COL5A1: variants seen among roughly 807,000 people sequenced by gnomAD.
The protein encoded by COL5A1 is collagen type V alpha 1 chain, also known as collagen alpha-1(V) chain.
A neutral mutation model predicts 263.7 loss-of-function variants in COL5A1; 16 were observed. The ratio of observed to expected loss-of-function variants is 0.06; its 90% CI spans 0.04 to 0.09. The LOEUF is 0.09. Ranked by LOEUF, COL5A1 falls within the 10% of genes least tolerant of loss-of-function variation. COL5A1 has a pLI of 1.00. For synonymous variants in COL5A1, 1,012 were observed against 1,004.5 expected (o/e 1.01, Z -0.14); for missense variants, 2,036 against 2,540.5 (o/e 0.80, Z 4.27).
intron 34 of COL5A1, 21 bp downstream of exon 34, chr9:134,795,336 G>C (rs759110482): frequency 1.9e-6 from 3 of 1,612,654 alleles, no homozygotes; most frequent in Non-Finnish European, 2.5e-6. Flanking sequence ...GGCCTCCTGG[G>C]CGGTGGGCGG....
chr9:134,689,735 G>C (rs1054371780), intron 1 of COL5A1, among the ~76,000 whole-genome samples: 3 of 152,228 alleles, frequency 2.0e-5, no homozygotes, highest in South Asian at 2.1e-4. Context: ...GCGGTGTCAT[G>C]CTCTGATTGG....
chr9:134,818,316 G>C lies in COL5A1; in HGVS notation c.4231-340G>C, dbSNP rs930642839. The stretch of plus-strand genomic sequence containing the variant: ...TCTGTCAGTGAGGTGATGGCGGCCC[G>C]GCCTGGCACTGTCTGCCTCCCTCCT... On this transcript the variant is annotated intron_variant, in intron 54 of 65. Transcript: ENST00000371817. The surrounding 1 kb of genome is among the most constrained non-coding windows in gnomAD (Gnocchi z 6.0). Among the ~76,000 whole-genome samples, 2 of 152,182 alleles carry C rather than the reference G, an allele frequency of 1.3e-5. No homozygotes were observed. The highest frequency in any genetic ancestry group is 2.4e-5 in the African/African-American group (1 of 41,426).
intron 32 of COL5A1, among the ~76,000 whole-genome samples, chr9:134,793,444 T>C (rs1315434733): frequency 6.6e-6 from 1 of 152,046 alleles, no homozygotes; most frequent in East Asian, 1.9e-4. Flanking sequence ...TTGGCTTGAG[T>C]TAGTTTATAA....
intron 63 of COL5A1, 54 bp downstream of exon 63, chr9:134,825,958 C>A: frequency 8.5e-7 from 1 of 1,176,992 alleles, no homozygotes; most frequent in Non-Finnish European, 1.3e-6. Flanking sequence ...ACAGACAGGG[C>A]CATGCCGAGG....
rs902904501 is a variant in COL5A1 at position 134,664,081 on chromosome 9, G to T, written c.109+21785G>T. ...TTAAAGCCAGGGCACTGGCAGAAAT[G>T]TAGGGTTTGGTAAAGACAGCCTGTC... On this transcript the variant is annotated intron_variant, in intron 1 of 65. Coordinates refer to ENST00000371817, the MANE Select transcript of COL5A1 (RefSeq NM_000093.5). 1.6e-4 allele frequency among the ~76,000 whole-genome samples: 24 copies of T among 152,222 alleles called. 1 individual carries two copies. The highest frequency in any genetic ancestry group is 1.6e-3 in the Admixed American group (24 of 15,286).
At position 134,782,706 on chromosome 9, in the gene COL5A1, A is replaced by T; in HGVS notation, c.2470A>T (p.Ile824Phe). Residue 824 changes from isoleucine to phenylalanine, a missense_variant, in exon 29 of 66, where the codon ATC becomes TTC. This residue lies in a region of COL5A1 where 1,078 missense variants were observed against 1,521.4 expected (regional missense o/e 0.71). Transcript: ENST00000371817. ...GFPGFKGDMG[I>F]KGDRGEIGPP... ...TCCTGGGTTTAAAGGAGACATGGGCATCAAGGGTGATCGGGTGAGCATCTC... is the reference window on the plus strand; with the variant it reads ...TCCTGGGTTTAAAGGAGACATGGGCTTCAAGGGTGATCGGGTGAGCATCTC... 1 of 1,613,886 alleles carries T rather than the reference A, an allele frequency of 6.2e-7. No individual in the cohort carries two copies.
Position 134,741,369 on chromosome 9 carries a change from G to A in COL5A1, c.1494+2561G>A, listed in dbSNP as rs563526634. ...CCAAAAAAAGTGCTTGGGTTCGGGA[G>A]CATATATACCATTTTAACAAGCAGC... On this transcript the variant is annotated intron_variant, in intron 11 of 65. Transcript: ENST00000371817. This position sits in a 1 kb window ranked among gnomAD's most constrained non-coding sequence, Gnocchi z 4.5. Among the ~76,000 whole-genome samples the A allele has an allele frequency of 1.0e-3, 158 of 152,338 alleles. No individual in the cohort carries two copies. Among genetic ancestry groups the A allele is most frequent in the African/African-American group, 3.6e-3 (148 of 41,576 alleles).
chr9:134,762,429 CCTGGA>C, intron 19 of COL5A1, among the ~76,000 whole-genome samples: 1 of 152,306 alleles, frequency 6.6e-6, no homozygotes, highest in South Asian at 2.1e-4. Flanking sequence ...CCTCTGTGGG[CCTGGA>C]GGTAGGGGAG....
At chr9:134,643,522 T>C (rs1422629459) in intron 1 of COL5A1, among the ~76,000 whole-genome samples, 1 of 152,186 alleles carries the variant, frequency 6.6e-6, no homozygotes, top group Non-Finnish European at 1.5e-5. Flanking sequence ...TCAGTGCTTG[T>C]TGGGCTAACT....
At chr9:134,761,027 C>G (rs1231204196) in intron 18 of COL5A1, among the ~76,000 whole-genome samples, 1 of 149,906 alleles carries the variant, frequency 6.7e-6, no homozygotes, top group Non-Finnish European at 1.5e-5. Context: ...CGCATACACA[C>G]GTGCACAGGC....
At chr9:134,816,348 A>T (rs1055642807) in intron 52 of COL5A1, among the ~76,000 whole-genome samples, 1 of 151,106 alleles carries the variant, frequency 6.6e-6, no homozygotes, top group South Asian at 2.1e-4. Context: ...TTCCTGCCTT[A>T]CCTTGACCGA....
intron 4 of COL5A1, among the ~76,000 whole-genome samples, chr9:134,722,913 C>T (rs948191104): frequency 3.3e-5 from 5 of 151,988 alleles, no homozygotes; most frequent in African/African-American, 7.3e-5. Context: ...GGGTTGGTGT[C>T]GGGGAGGGAA....
Position 134,830,012 on chromosome 9 carries a change from TCC to T in COL5A1, c.5105_5106del (p.Ser1702LeufsTer4). ...ITSWPKENPGSWFSEFKRGKL... is the reference protein window; with the variant it reads ...ITSWPKENPGXWFSEFKRGKL... ...TTCTTGGCCCAAAGAAAACCCGGGC[TCC>T]TGGTTCAGTGAATTCAAGCGTGGGA... On this transcript the variant is annotated frameshift_variant, in exon 64 of 66. Coordinates refer to ENST00000371817, the MANE Select transcript of COL5A1 (RefSeq NM_000093.5). LOFTEE classifies it high-confidence loss of function. 1 of 1,614,018 alleles carries T rather than the reference TCC, an allele frequency of 6.2e-7. No homozygotes were observed. Among genetic ancestry groups the T allele is most frequent in the Non-Finnish European group, 8.5e-7 (1 of 1,179,988 alleles).
chr9:134,656,901 A>G (rs1371418872), intron 1 of COL5A1, among the ~76,000 whole-genome samples: 1 of 116,838 alleles, frequency 8.6e-6, no homozygotes, highest in Admixed American at 9.1e-5. Context: ...TATAGATAAT[A>G]TGGGGGACGG....
At chr9:134,832,268 T>C (rs948653716) in intron 64 of COL5A1, among the ~76,000 whole-genome samples, 1 of 151,992 alleles carries the variant, frequency 6.6e-6, no homozygotes, top group South Asian at 2.1e-4. Context: ...TAGCTGGGCA[T>C]AGTGGTGTGC....
chr9:134,790,406 C>G (rs1298964817), intron 32 of COL5A1, among the ~76,000 whole-genome samples: 1 of 121,386 alleles, frequency 8.2e-6, no homozygotes, highest in Non-Finnish European at 1.8e-5. Context: ...ACCCACCCAG[C>G]CACCCAGCCA....
At chr9:134,649,576 C>T (rs1564364299) in intron 1 of COL5A1, 1 of 443,062 alleles carries the variant, frequency 2.3e-6, no homozygotes, top group Non-Finnish European at 4.5e-6. Context: ...CTGGTGGCCT[C>T]TTTTTTTTCT....
chr9:134,795,409 T>C (rs1214367411), intron 34 of COL5A1, 94 bp downstream of exon 34: 7 of 1,082,066 alleles, frequency 6.5e-6, no homozygotes, highest in Admixed American at 4.8e-5. Context: ...TGACCTTTTT[T>C]ATTAAAAAAA....
intron 25 of COL5A1, among the ~76,000 whole-genome samples, chr9:134,771,510 G>GCTGCTAGGATAGGCTGT (rs955125390): frequency 7.2e-5 from 11 of 152,028 alleles, no homozygotes; most frequent in African/African-American, 2.4e-4. Flanking sequence ...CCACTCACTT[G>GCTGCTAGGATAGGCTGT]CTGCTAGGAT....
Sources: allele counts gnomAD v4.1 joint callset (sites outside exome capture counted in the v4.1 genomes callset), GRCh38; gene constraint gnomAD v4.1.1; regional missense constraint gnomAD v4.1.1; non-coding constraint Gnocchi (gnomAD v3.1); transcripts MANE v1.5; gene names NCBI Gene and HGNC (gene_info 2026-07-23, HGNC 2026-07-21).